The following PRELID2 variants were observed in gnomAD, a reference collection of about 807,000 sequenced individuals.
PRELID2 encodes PRELI domain-containing protein 2.
Under a neutral mutation model 28.4 loss-of-function variants are expected in PRELID2, and 25 were observed. That is an observed-to-expected ratio of 0.88 (90% CI 0.64 to 1.23). The LOEUF (loss-of-function observed/expected upper bound fraction) is 1.23, where lower values mean the gene tolerates loss of function less well. PRELID2 is among the 50% of genes most tolerant of loss of function. The pLI is 0.00. For missense variants in PRELID2, 201 were observed against 214.4 expected (o/e 0.94, Z 0.39); for synonymous variants, 76 against 71.6 (o/e 1.06, Z -0.31).
the PRELID2 span, among the ~76,000 whole-genome samples, chr5:145,324,753 G>T: frequency 5.3e-5 from 8 of 152,064 alleles, no homozygotes; most frequent in African/African-American, 1.9e-4. Context: ...AATCAACCTT[G>T]TGTGTTTGTA....
chr5:145,268,841 T>C, the PRELID2 span, among the ~76,000 whole-genome samples: 2 of 152,088 alleles, frequency 1.3e-5, no homozygotes, highest in African/African-American at 2.4e-5. Flanking sequence ...AAATTGAAGA[T>C]CATAGAATAT....
chr5:145,248,762 A>T, the PRELID2 span, among the ~76,000 whole-genome samples: 7 of 152,194 alleles, frequency 4.6e-5, no homozygotes, highest in African/African-American at 1.7e-4. Flanking sequence ...TCACCACTGT[A>T]CTCCAGCCTA....
intron 1 of PRELID2, among the ~76,000 whole-genome samples, chr5:145,517,433 C>T (rs145239099): frequency 7.2e-4 from 109 of 152,148 alleles, no homozygotes; most frequent in African/African-American, 2.0e-3. Context: ...ATCAAAACCA[C>T]GATGAGATAC....
intron 4 of PRELID2, among the ~76,000 whole-genome samples, chr5:145,811,136 C>G (rs1290655882): frequency 1.4e-5 from 2 of 143,258 alleles, no homozygotes; most frequent in Admixed American, 1.4e-4. Context: ...CAGGGAACCC[C>G]CCTTTATAAA....
chr5:145,251,300 A>G, the PRELID2 span, among the ~76,000 whole-genome samples: 1 of 152,070 alleles, frequency 6.6e-6, no homozygotes, highest in South Asian at 2.1e-4. Context: ...TGTGACCTCA[A>G]TTATTTTGCA....
chr5:145,410,198 CA>C, the PRELID2 span, among the ~76,000 whole-genome samples: 3 of 152,084 alleles, frequency 2.0e-5, no homozygotes, highest in African/African-American at 7.2e-5. Flanking sequence ...GACTTGAAAC[CA>C]TAAAAATTCT....
chr5:145,747,116 A>G (rs1389909495), intron 1 of PRELID2, among the ~76,000 whole-genome samples: 2 of 152,134 alleles, frequency 1.3e-5, no homozygotes, highest in Non-Finnish European at 2.9e-5. Context: ...CATCACAATT[A>G]AAAGAGCTAC....
At chr5:145,828,865 G>C (rs1400625587) in intron 1 of PRELID2, among the ~76,000 whole-genome samples, 1 of 122,410 alleles carries the variant, frequency 8.2e-6, no homozygotes, top group Non-Finnish European at 1.7e-5. Flanking sequence ...TTGAGACTGG[G>C]TCTCACTTTG....
At chr5:145,278,343 C>T in the PRELID2 span, among the ~76,000 whole-genome samples, 1 of 152,156 alleles carries the variant, frequency 6.6e-6, no homozygotes, top group African/African-American at 2.4e-5. Context: ...AGCTGGGTCT[C>T]CTGTAAAGCT....
At chr5:145,280,926 G>A in the PRELID2 span, among the ~76,000 whole-genome samples, 3 of 152,088 alleles carry the variant, frequency 2.0e-5, no homozygotes, top group Non-Finnish European at 4.4e-5. Flanking sequence ...GGGGGCTGGA[G>A]TAGGGGAAAT....
At chr5:145,540,498 T>A (rs1206948575) in intron 1 of PRELID2, among the ~76,000 whole-genome samples, 1 of 151,994 alleles carries the variant, frequency 6.6e-6, no homozygotes, top group Non-Finnish European at 1.5e-5. Context: ...GTTAGAAAGA[T>A]GAGTCTTACC....
chr5:145,617,354 T>C (rs1753713146), intron 1 of PRELID2, among the ~76,000 whole-genome samples: 1 of 152,232 alleles, frequency 6.6e-6, no homozygotes, highest in Non-Finnish European at 1.5e-5. Context: ...CAATTTATGT[T>C]CAGAGATTGC....
chr5:145,286,697 TTTTTG>T, the PRELID2 span, among the ~76,000 whole-genome samples: 31 of 120,448 alleles, frequency 2.6e-4, no homozygotes, highest in African/African-American at 1.1e-3. Flanking sequence ...AACATAGAAG[TTTTTG>T]TTTTTTTTTG....
At chr5:145,483,431 C>G (rs1165392127) in intron 1 of PRELID2, among the ~76,000 whole-genome samples, 2 of 152,198 alleles carry the variant, frequency 1.3e-5, no homozygotes, top group African/African-American at 4.8e-5. Context: ...ATTAGCTCAT[C>G]ACAGACAGAC....
chr5:145,580,404 G>T (rs916547990), intron 1 of PRELID2, among the ~76,000 whole-genome samples: 1 of 152,008 alleles, frequency 6.6e-6, no homozygotes, highest in African/African-American at 2.4e-5. Context: ...GAGATATTCA[G>T]TCACTCTGAC....
chr5:145,740,714 A>G (rs1756663497), intron 1 of PRELID2, among the ~76,000 whole-genome samples: 1 of 119,968 alleles, frequency 8.3e-6, no homozygotes, highest in African/African-American at 3.3e-5. Context: ...AATATAATAT[A>G]AATATATTAC....
At chr5:145,273,616 G>A in the PRELID2 span, among the ~76,000 whole-genome samples, 6,232 of 152,166 alleles carry the variant, frequency 0.041, 392 homozygotes, top group African/African-American at 0.14. Flanking sequence ...GTGTATGACT[G>A]ACAGTCTGAA....
chr5:145,231,465 G>A, the PRELID2 span, among the ~76,000 whole-genome samples: 231 of 152,132 alleles, frequency 1.5e-3, 1 homozygote, highest in African/African-American at 5.4e-3. Context: ...AGGAAACAAG[G>A]GACAATGCAA....
At chr5:145,822,981 A>G in intron 2 of PRELID2, 96 bp downstream of exon 2, 1 of 622,386 alleles carries the variant, frequency 1.6e-6, no homozygotes, top group Non-Finnish European at 2.9e-6. Context: ...ATTTTTTAAA[A>G]AAAACCTAAT....
Sources: allele counts gnomAD v4.1 joint callset (sites outside exome capture counted in the v4.1 genomes callset), GRCh38; gene constraint gnomAD v4.1.1; transcripts MANE v1.5; gene names NCBI Gene and HGNC (gene_info 2026-07-23, HGNC 2026-07-21).